RNGTT: variants seen among roughly 807,000 people sequenced by gnomAD.
The protein encoded by RNGTT is mRNA-capping enzyme.
RNGTT carries 33 observed loss-of-function variants against 79.3 expected under a neutral mutation model. The observed-to-expected ratio is 0.42, with a 90% CI of 0.32 to 0.56. The LOEUF (loss-of-function observed/expected upper bound fraction) is 0.56, where lower values mean the gene tolerates loss of function less well. Among genes scored for constraint, RNGTT ranks in the 20% least tolerant of loss-of-function variants. The probability of loss-of-function intolerance (pLI) is 0.17; values close to 1 mark genes in which losing one functional copy is unlikely to be tolerated. For missense variants in RNGTT, 497 were observed against 739.1 expected (o/e 0.67, Z 3.80); for synonymous variants, 222 against 235.9 (o/e 0.94, Z 0.54).
intron 8 of RNGTT, among the ~76,000 whole-genome samples, chr6:88,889,851 C>A (rs1782983877): frequency 6.6e-6 from 1 of 152,112 alleles, no homozygotes; most frequent in Non-Finnish European, 1.5e-5. Flanking sequence ...CCCAGCTACT[C>A]AGGAGGCTAA....
At chr6:88,894,383 T>A (rs932274569) in intron 6 of RNGTT, among the ~76,000 whole-genome samples, 16 of 152,178 alleles carry the variant, frequency 1.1e-4, no homozygotes, top group Non-Finnish European at 2.1e-4. Context: ...AAGAGAACAA[T>A]CATCCAGGAT....
At chr6:88,927,834 A>C (rs1784371901) in intron 4 of RNGTT, among the ~76,000 whole-genome samples, 1 of 141,632 alleles carries the variant, frequency 7.1e-6, no homozygotes, top group Non-Finnish European at 1.6e-5. Flanking sequence ...ATTCCATCTC[A>C]AAAAAAAAAA....
At chr6:88,750,700 C>T (rs898383410) in intron 13 of RNGTT, among the ~76,000 whole-genome samples, 11 of 152,242 alleles carry the variant, frequency 7.2e-5, no homozygotes, top group Middle Eastern at 3.4e-3. Context: ...TAAACATTCC[C>T]GAGTTCCACG....
intron 12 of RNGTT, among the ~76,000 whole-genome samples, chr6:88,776,113 ACT>A (rs922712965): frequency 6.6e-6 from 1 of 152,092 alleles, no homozygotes; most frequent in Admixed American, 6.6e-5. Flanking sequence ...GAGCCTCCAT[ACT>A]GTTTTCCATA....
At chr6:88,916,737 T>G (rs1266468185) in intron 4 of RNGTT, among the ~76,000 whole-genome samples, 1 of 152,184 alleles carries the variant, frequency 6.6e-6, no homozygotes, top group Non-Finnish European at 1.5e-5. Flanking sequence ...ATTTGTATAT[T>G]ATGGTAGGAG....
intron 13 of RNGTT, among the ~76,000 whole-genome samples, chr6:88,746,043 T>C (rs1290556743): frequency 6.6e-6 from 1 of 150,664 alleles, no homozygotes; most frequent in Non-Finnish European, 1.5e-5. Flanking sequence ...GCCTGGGTTC[T>C]GGTTTGGATG....
intron 14 of RNGTT, among the ~76,000 whole-genome samples, chr6:88,641,895 C>G (rs2127773522): frequency 6.6e-6 from 1 of 152,250 alleles, no homozygotes; most frequent in South Asian, 2.1e-4. Flanking sequence ...TATTTACGAT[C>G]ACAGGAGAAG....
intron 8 of RNGTT, among the ~76,000 whole-genome samples, chr6:88,877,917 C>T (rs895619944): frequency 6.6e-6 from 1 of 151,992 alleles, no homozygotes; most frequent in Non-Finnish European, 1.5e-5. Context: ...AAAAACAGGG[C>T]TGGGGTCTTT....
chr6:88,776,321 C>CTT lies in RNGTT; in HGVS notation c.1339-6449_1339-6448dup, dbSNP rs34732511. On this transcript the variant is annotated intron_variant, in intron 12 of 15. Coordinates refer to ENST00000369485, the MANE Select transcript of RNGTT (RefSeq NM_003800.5). Reference sequence around the variant, plus strand: ...AGCACCTTTTCATACACCTTTTGACCTTTTTTTTTTTTTTTGAGACGGAGT... The same window carrying CTT: ...AGCACCTTTTCATACACCTTTTGACCTTTTTTTTTTTTTTTTTGAGACGGAGT... 8.2e-3 allele frequency among the ~76,000 whole-genome samples: 1,148 copies of CTT among 139,454 alleles called. 18 individuals are homozygous for CTT. Among genetic ancestry groups the CTT allele is most frequent in the African/African-American group, 0.028 (1,051 of 37,972 alleles). 91.5% of individuals were successfully genotyped at this position (139,454 alleles called of 152,430 possible).
rs367582024 is a variant in RNGTT, at chr6:88,771,433, G to T, written c.1339-1559C>A. Among the ~76,000 whole-genome samples the T allele has an allele frequency of 2.0e-5, 3 of 148,926 alleles. No homozygotes were observed. In the East Asian group the frequency reaches 6.0e-4, roughly 30 times the overall value. On this transcript the variant is annotated intron_variant, in intron 12 of 15. Coordinates refer to ENST00000369485, the MANE Select transcript of RNGTT (RefSeq NM_003800.5). ...TGTCTTTCTTCCTGCTAATAGAATA[G>T]TCTCAATTACTATAACTTTATACAT...
chr6:88,641,182 T>C (rs542126048), intron 14 of RNGTT, among the ~76,000 whole-genome samples: 60 of 151,826 alleles, frequency 4.0e-4, no homozygotes, highest in Non-Finnish European at 5.9e-4. Context: ...CTACTAAAAA[T>C]ACAAAAATTA....
intron 1 of RNGTT, among the ~76,000 whole-genome samples, chr6:88,949,159 G>GAAAAAAAAAAAAAAAAA: frequency 1.8e-4 from 9 of 50,516 alleles, no homozygotes; most frequent in South Asian, 6.2e-4. Context: ...AAAATAAAAT[G>GAAAAAAAAAAAAAAAAA]AAAAAAAAAA....
intron 10 of RNGTT, among the ~76,000 whole-genome samples, chr6:88,846,757 C>G (rs1370174509): frequency 9.7e-4 from 110 of 113,702 alleles, no homozygotes; most frequent in African/African-American, 3.5e-3. Context: ...AAGACTGTCT[C>G]AAAAAAAAAA....
chr6:88,816,740 G>C (rs1780325485), intron 11 of RNGTT, among the ~76,000 whole-genome samples: 1 of 152,068 alleles, frequency 6.6e-6, no homozygotes, highest in Non-Finnish European at 1.5e-5. Context: ...CCTAGAATCA[G>C]TAATAAAACC....
intron 6 of RNGTT, among the ~76,000 whole-genome samples, chr6:88,895,146 A>G (rs972297347): frequency 6.6e-6 from 1 of 152,096 alleles, no homozygotes; most frequent in Non-Finnish European, 1.5e-5. Context: ...CTGCATGGCT[A>G]TCACAACAGA....
chr6:88,651,814 T>C (rs1773808428), intron 14 of RNGTT, among the ~76,000 whole-genome samples: 1 of 152,062 alleles, frequency 6.6e-6, no homozygotes, highest in Non-Finnish European at 1.5e-5. Context: ...TAATAACACT[T>C]AGAAAGCAAA....
intron 11 of RNGTT, among the ~76,000 whole-genome samples, chr6:88,805,755 G>A (rs887736824): frequency 2.0e-5 from 3 of 152,088 alleles, no homozygotes; most frequent in Admixed American, 6.5e-5. Flanking sequence ...GGCACTGAGC[G>A]GCAAGAAACA....
chr6:88,658,104 C>T (rs558105679), intron 14 of RNGTT, among the ~76,000 whole-genome samples: 1 of 152,208 alleles, frequency 6.6e-6, no homozygotes, highest in Non-Finnish European at 1.5e-5. Context: ...CACAGCTGGT[C>T]TCTTGAAAGC....
chr6:88,912,097 AAAGAAG>A (rs926424723), intron 4 of RNGTT, among the ~76,000 whole-genome samples: 1 of 151,902 alleles, frequency 6.6e-6, no homozygotes, highest in Non-Finnish European at 1.5e-5. Context: ...AATAAAATAA[AAAGAAG>A]AAGAAGAAGA....
Sources: gnomAD v4.1 joint callset for allele counts (sites outside exome capture counted in the v4.1 genomes callset) on GRCh38, gnomAD v4.1.1 for gene constraint, MANE v1.5 for transcripts, NCBI Gene and HGNC (gene_info 2026-07-23, HGNC 2026-07-21) for gene names.